The following KLHL2 variants were observed in gnomAD, a reference collection of about 807,000 sequenced individuals.
KLHL2 encodes the protein kelch-like protein 2.
KLHL2 carries 15 observed loss-of-function variants against 75.8 expected under a neutral mutation model. That is an observed-to-expected ratio of 0.20 (90% CI 0.13 to 0.30). The LOEUF (loss-of-function observed/expected upper bound fraction) is 0.30. Ranked by LOEUF, KLHL2 falls within the 10% of genes least tolerant of loss-of-function variation. KLHL2 has a pLI of 1.00. For missense variants in KLHL2, 381 were observed against 741.0 expected (o/e 0.51, Z 5.64); for synonymous variants, 214 against 251.9 (o/e 0.85, Z 1.42).
intron 13 of KLHL2, among the ~76,000 whole-genome samples, chr4:165,315,415 T>G (rs889476073): frequency 1.1e-4 from 17 of 152,194 alleles, no homozygotes; most frequent in Admixed American, 1.0e-3. Flanking sequence ...AAGTCTCTGT[T>G]GAAAAGTTGT....
chr4:165,291,833 AT>A (rs1027792832), intron 5 of KLHL2, among the ~76,000 whole-genome samples: 10 of 147,854 alleles, frequency 6.8e-5, no homozygotes, highest in South Asian at 2.1e-4. Context: ...TTTATTTTTA[AT>A]TTTTTTTTTT....
At chr4:165,291,860 T>C (rs1327994701) in intron 5 of KLHL2, among the ~76,000 whole-genome samples, 3 of 152,090 alleles carry the variant, frequency 2.0e-5, no homozygotes, top group Admixed American at 2.0e-4. Context: ...GACAAGCCGT[T>C]ACCCAGTTGC....
intron 2 of KLHL2, among the ~76,000 whole-genome samples, chr4:165,221,598 G>A (rs1471753503): frequency 1.3e-5 from 2 of 152,168 alleles, no homozygotes; most frequent in East Asian, 3.9e-4. Flanking sequence ...ATCAAGAGTT[G>A]CCTTGAGAGA....
intron 6 of KLHL2, among the ~76,000 whole-genome samples, chr4:165,297,271 A>G (rs72995999): frequency 0.077 from 11,666 of 152,246 alleles, 918 homozygotes; most frequent in African/African-American, 0.2. Flanking sequence ...GAGTCGATCT[A>G]TTGTACAAAC....
chr4:165,288,556 T>A (rs1019963872), intron 5 of KLHL2, among the ~76,000 whole-genome samples: 3 of 152,176 alleles, frequency 2.0e-5, no homozygotes, highest in Non-Finnish European at 4.4e-5. Context: ...TTCCTAAAGC[T>A]TTTTTCATAT....
chr4:165,246,334 G>A (rs1740258197), intron 4 of KLHL2, among the ~76,000 whole-genome samples: 1 of 152,222 alleles, frequency 6.6e-6, no homozygotes, highest in South Asian at 2.1e-4. Context: ...TGGGTTTGTA[G>A]ACTATGATAA....
chr4:165,290,089 T>C (rs1203979335), intron 5 of KLHL2, among the ~76,000 whole-genome samples: 1 of 152,244 alleles, frequency 6.6e-6, no homozygotes, highest in African/African-American at 2.4e-5. Flanking sequence ...TAAATTTATA[T>C]GCTGTTTGCC....
intron 4 of KLHL2, among the ~76,000 whole-genome samples, chr4:165,262,189 A>T (rs1203174184): frequency 6.6e-6 from 1 of 152,366 alleles, no homozygotes; most frequent in East Asian, 1.9e-4. Flanking sequence ...TAGTGGTTCA[A>T]TCCCACAGAA....
rs1747045587 is a variant in KLHL2 at position 165,322,329 on chromosome 4, GTTGC to G, written c.*272_*275del. ...CTTAATCTGTAGTCTTTAGACAACA[GTTGC>G]TTTCATAAAGACTAGTTCTTATCAA... is the stretch of plus-strand genomic sequence containing the variant. On this transcript the variant is annotated 3_prime_UTR_variant, in exon 15 of 15. Transcript: ENST00000226725. 1 of 393,344 alleles carries G rather than the reference GTTGC, an allele frequency of 2.5e-6. No individual in the cohort carries two copies. The highest frequency in any genetic ancestry group is 4.8e-5 in the South Asian group (1 of 20,754). 24.4% of individuals were successfully genotyped at this position (393,344 alleles called of 1,614,324 possible). A position where few individuals can be genotyped will look rare whatever the true frequency, so the allele number is the denominator to read the frequency against.
chr4:165,209,560 T>C (rs1021723258), intron 1 of KLHL2: 2 of 152,304 alleles, frequency 1.3e-5, no homozygotes, highest in African/African-American at 4.8e-5. Flanking sequence ...AATTGATGTA[T>C]GCATTGAAAC....
intron 13 of KLHL2, among the ~76,000 whole-genome samples, chr4:165,316,008 T>C (rs2126583008): frequency 6.6e-6 from 1 of 152,308 alleles, no homozygotes; most frequent in South Asian, 2.1e-4. Context: ...TCAATATGAA[T>C]TTGATTGTGT....
chr4:165,241,303 G>T (rs1739799697), intron 4 of KLHL2, among the ~76,000 whole-genome samples: 1 of 152,166 alleles, frequency 6.6e-6, no homozygotes, highest in Non-Finnish European at 1.5e-5. Flanking sequence ...ACTATACCAT[G>T]TAAAGATACA....
intron 11 of KLHL2, among the ~76,000 whole-genome samples, chr4:165,311,809 C>CTGTGTGTGTGTGTG (rs60870309): frequency 6.0e-4 from 87 of 144,890 alleles, no homozygotes; most frequent in Non-Finnish European, 8.1e-4. Context: ...TCCTTTCTCT[C>CTGTGTGTGTGTGTG]TGTGTGTGTG....
In KLHL2 at chr4:165,207,627, G is replaced by C. The variant is rs1736913758; in HGVS notation, c.-250G>C. On this transcript the variant is annotated 5_prime_UTR_variant, in exon 1 of 15. Coordinates refer to ENST00000226725, the MANE Select transcript of KLHL2 (RefSeq NM_007246.4). This position sits in a 1 kb window ranked among gnomAD's most constrained non-coding sequence, Gnocchi z 4.2. ...AAGTGGCCGAGCCCGCGCGCCCGCC[G>C]GTCCCGTCGCCGCCGCCCCGCACTC... The C allele has an allele frequency of 6.7e-6, 1 of 149,988 alleles. No individual in the cohort carries two copies. Among genetic ancestry groups the C allele is most frequent in the Admixed American group, 6.7e-5 (1 of 14,954 alleles). 9.3% of individuals were successfully genotyped at this position (149,988 alleles called of 1,614,324 possible).
chr4:165,289,434 A>G (rs1744333023), intron 5 of KLHL2, among the ~76,000 whole-genome samples: 1 of 151,248 alleles, frequency 6.6e-6, no homozygotes, highest in South Asian at 2.1e-4. Flanking sequence ...AAAAACATGT[A>G]TATGTACACA....
At chr4:165,234,525 A>T (rs1158102071) in intron 3 of KLHL2, among the ~76,000 whole-genome samples, 1 of 151,708 alleles carries the variant, frequency 6.6e-6, no homozygotes, top group Non-Finnish European at 1.5e-5. Flanking sequence ...TCATTTATAC[A>T]TTGGATAAAT....
chr4:165,289,465 G>A (rs1228709268), intron 5 of KLHL2, among the ~76,000 whole-genome samples: 1 of 145,482 alleles, frequency 6.9e-6, no homozygotes, highest in Non-Finnish European at 1.5e-5. Context: ...CTTTTAATTT[G>A]AACATTTCTT....
At chr4:165,290,522 A>G (rs1046605409) in intron 5 of KLHL2, among the ~76,000 whole-genome samples, 4 of 152,230 alleles carry the variant, frequency 2.6e-5, no homozygotes, top group East Asian at 1.9e-4. Context: ...AAACTCAACT[A>G]TTGAAAAAGT....
intron 11 of KLHL2, 110 bp from the exon 12 acceptor site, chr4:165,313,128 C>T: frequency 9.2e-7 from 1 of 1,090,804 alleles, no homozygotes; most frequent in Non-Finnish European, 1.3e-6. Context: ...TAAGGGGAAA[C>T]TCTGCTGCCA....
Sources: gnomAD v4.1 joint callset for allele counts (sites outside exome capture counted in the v4.1 genomes callset) on GRCh38, gnomAD v4.1.1 for gene constraint, Gnocchi (gnomAD v3.1) non-coding constraint, MANE v1.5 for transcripts, NCBI Gene and HGNC (gene_info 2026-07-23, HGNC 2026-07-21) for gene names.